The following NUCKS1 variants were observed in gnomAD, a reference collection of about 807,000 sequenced individuals.
The protein encoded by NUCKS1 is nuclear ubiquitous casein and cyclin-dependent kinase substrate 1.
Under a neutral mutation model 33.0 loss-of-function variants are expected in NUCKS1, and 2 were observed. The ratio of observed to expected loss-of-function variants is 0.06; its 90% confidence interval spans 0.02 to 0.19. The LOEUF (loss-of-function observed/expected upper bound fraction) is 0.19, where lower values mean the gene tolerates loss of function less well. Among genes scored for constraint, NUCKS1 ranks in the 10% least tolerant of loss-of-function variants. The pLI is 1.00. For missense variants in NUCKS1, 201 were observed against 293.6 expected, an observed-to-expected ratio of 0.68 and a Z score of 2.31; for synonymous variants, 106 against 102.8, an observed-to-expected ratio of 1.03 and a Z score of -0.19.
At chr1:205,724,046 TCTCTGA>T in intron 3 of NUCKS1, 65 bp from the exon 4 acceptor site, 2 of 1,142,288 alleles carry the variant, frequency 1.8e-6, no homozygotes, top group Non-Finnish European at 2.7e-6. Flanking sequence ...TGAACATAGA[TCTCTGA>T]TTTCTGACTT....
intron 4 of NUCKS1, among the ~76,000 whole-genome samples, chr1:205,721,168 A>C (rs1161539623): frequency 6.6e-6 from 1 of 152,154 alleles, no homozygotes; most frequent in Non-Finnish European, 1.5e-5. Flanking sequence ...TAGCTAATGC[A>C]TGCTGGGCTT....
chr1:205,732,779 C>CAAAA lies in NUCKS1; in HGVS notation c.18-3162_18-3159dup, dbSNP rs59760552. On this transcript the variant is annotated intron_variant, in intron 1 of 6. Coordinates refer to ENST00000367142, the MANE Select transcript of NUCKS1 (RefSeq NM_022731.5). ...CTGGCAACAGAGCAAGACTCTGTCT[C>CAAAA]AAAAAAAAAAAAAAAAGTTAAGATG... 9.5e-5 allele frequency among the ~76,000 whole-genome samples: 7 copies of CAAAA among 74,006 alleles called. 1 individual carries two copies. Among genetic ancestry groups the CAAAA allele is most frequent in the Non-Finnish European group, 1.5e-4 (6 of 39,216 alleles). 48.6% of individuals were successfully genotyped at this position (74,006 alleles called of 152,430 possible). A position where few individuals can be genotyped will look rare whatever the true frequency, so the allele number is the denominator to read the frequency against.
chr1:205,729,677 C>T, intron 1 of NUCKS1, 56 bp from the exon 2 acceptor site: 1 of 1,211,150 alleles, frequency 8.3e-7, no homozygotes, highest in Admixed American at 1.8e-5. Context: ...TTTTCTAAGA[C>T]ATCAGAACAC....
chr1:205,746,436 TTCTCTCTCTCTC>T lies in NUCKS1; in HGVS notation c.17+3509_17+3520del, dbSNP rs10539047. On this transcript the variant is annotated intron_variant, in intron 1 of 6. Transcript: ENST00000367142. ...ATAGATCCAAGGTTAATAAACTCAC[TTCTCTCTCTCTC>T]TCTCTCACACACACACACACACACA... Among the ~76,000 whole-genome samples the T allele has an allele frequency of 2.5e-4, 36 of 146,366 alleles. No individual in the cohort carries two copies. In the South Asian group the frequency reaches 2.7e-3, roughly 11 times the overall value.
In NUCKS1 at chr1:205,717,673, A is replaced by G. The variant is rs1671846871; in HGVS notation, c.*607T>C. ...GTAAAAAATGAGTACTTTTAGTAAC[A>G]GTTCAGAATTCATCTTTATCTCCTA... On this transcript the variant is annotated 3_prime_UTR_variant, in exon 7 of 7. Coordinates refer to ENST00000367142, the MANE Select transcript of NUCKS1 (RefSeq NM_022731.5). The G allele has an allele frequency of 8.1e-6, 8 of 985,238 alleles. No homozygotes were observed. Among genetic ancestry groups the G allele is most frequent in the Non-Finnish European group, 9.6e-6 (8 of 829,932 alleles). 61.0% of individuals were successfully genotyped at this position (985,238 alleles called of 1,614,324 possible). A position where few individuals can be genotyped will look rare whatever the true frequency, so the allele number is the denominator to read the frequency against.
At position 205,741,115 on chromosome 1, in the gene NUCKS1, A is replaced by G. The variant is rs551909143; in HGVS notation, c.17+8842T>C. 6.6e-5 allele frequency among the ~76,000 whole-genome samples: 10 copies of G among 151,462 alleles called. No homozygotes were observed. In the South Asian group the frequency reaches 2.1e-3, roughly 31 times the overall value. ...GGAGATGCAGACCATCCTGGCTAAC[A>G]CGGTGAAAGCCCGTCTCTACTAAAA... On this transcript the variant is annotated intron_variant, in intron 1 of 6. Transcript: ENST00000367142.
intron 1 of NUCKS1, among the ~76,000 whole-genome samples, chr1:205,734,286 A>T (rs894592257): frequency 2.0e-5 from 3 of 152,208 alleles, no homozygotes; most frequent in Admixed American, 6.5e-5. Flanking sequence ...TGCCATGTAG[A>T]CTATATTGGC....
Position 205,716,610 on chromosome 1 carries a change from A to T in NUCKS1, c.*1670T>A, listed in dbSNP as rs903419182. ...ATGACTCTGCCACTGTGTGTTTTTT[A>T]AAAAAAGATCAGAGTAAGCATGTTC... is the stretch of plus-strand genomic sequence containing the variant. On this transcript the variant is annotated 3_prime_UTR_variant, in exon 7 of 7. Coordinates refer to ENST00000367142, the MANE Select transcript of NUCKS1 (RefSeq NM_022731.5). 3 of 152,008 alleles carry T rather than the reference A, an allele frequency of 2.0e-5. No individual in the cohort carries two copies. The highest frequency in any genetic ancestry group is 1.5e-5 in the Non-Finnish European group (1 of 68,014). The allele number at this position is 152,008 out of a possible 1,614,324, so 9.4% of individuals were successfully genotyped here.
chr1:205,738,310 G>A (rs945954657), intron 1 of NUCKS1, among the ~76,000 whole-genome samples: 3 of 151,756 alleles, frequency 2.0e-5, no homozygotes, highest in African/African-American at 7.3e-5. Context: ...TTACAGGCAT[G>A]AGCCACCATG....
Position 205,750,064 on chromosome 1 carries a change from A to G in NUCKS1, c.-91T>C. 2.2e-6 allele frequency: 2 copies of G among 915,876 alleles called. No individual in the cohort carries two copies. The highest frequency in any genetic ancestry group is 2.8e-6 in the Non-Finnish European group (2 of 726,852). The allele number at this position is 915,876 out of a possible 1,614,324, so 56.7% of individuals were successfully genotyped here. On this transcript the variant is annotated 5_prime_UTR_variant, in exon 1 of 7. Coordinates refer to ENST00000367142, the MANE Select transcript of NUCKS1 (RefSeq NM_022731.5). ...CGGCGCCCCACCCCCCCCGAACTTCAGCCGATGGGACCGCTGCTGCCGAAC... is the reference window on the plus strand; with the variant it reads ...CGGCGCCCCACCCCCCCCGAACTTCGGCCGATGGGACCGCTGCTGCCGAAC...
At chr1:205,732,463 A>G (rs1261087135) in intron 1 of NUCKS1, among the ~76,000 whole-genome samples, 1 of 152,190 alleles carries the variant, frequency 6.6e-6, no homozygotes, top group Non-Finnish European at 1.5e-5. Flanking sequence ...TCAAGTACTT[A>G]ACAATACTGA....
intron 1 of NUCKS1, among the ~76,000 whole-genome samples, chr1:205,736,138 G>C (rs1654029340): frequency 6.6e-6 from 1 of 151,778 alleles, no homozygotes; most frequent in Admixed American, 6.6e-5. Context: ...TTTTTTTGTA[G>C]AGACCAAGTC....
intron 1 of NUCKS1, among the ~76,000 whole-genome samples, chr1:205,729,899 T>A (rs1207876003): frequency 6.6e-6 from 1 of 151,810 alleles, no homozygotes; most frequent in Non-Finnish European, 1.5e-5. Context: ...TGCATGCCTG[T>A]AATCCCTGCT....
At chr1:205,733,261 AT>A (rs1337650876) in intron 1 of NUCKS1, among the ~76,000 whole-genome samples, 3 of 152,246 alleles carry the variant, frequency 2.0e-5, no homozygotes, top group Non-Finnish European at 2.9e-5. Flanking sequence ...TGAAGAACAA[AT>A]GAATAAATTG....
Position 205,750,018 on chromosome 1 carries a change from ACCCCCCCCACCCCGCGCGCTCGGCG to A in NUCKS1, c.-70_-46del. The A allele has an allele frequency of 1.0e-6, 1 of 964,072 alleles. No individual in the cohort carries two copies. The highest frequency in any genetic ancestry group is 1.5e-6 in the Non-Finnish European group (1 of 684,566). 59.7% of individuals were successfully genotyped at this position (964,072 alleles called of 1,614,324 possible). On this transcript the variant is annotated 5_prime_UTR_variant, in exon 1 of 7. Transcript: ENST00000367142. ...CCGAGTCGAGAAGCCAAAGACCAGG[ACCCCCCCCACCCCGCGCGCTCGGCG>A]CCCCACCCCCCCCGAACTTCAGCCG... is the stretch of plus-strand genomic sequence containing the variant.
intron 1 of NUCKS1, among the ~76,000 whole-genome samples, chr1:205,737,790 A>G (rs1386129760): frequency 6.6e-6 from 1 of 152,248 alleles, no homozygotes; most frequent in Non-Finnish European, 1.5e-5. Context: ...AAGTATTTTA[A>G]AAGTATACAT....
intron 1 of NUCKS1, among the ~76,000 whole-genome samples, chr1:205,737,088 T>C (rs1162531625): frequency 6.6e-6 from 1 of 152,190 alleles, no homozygotes; most frequent in African/African-American, 2.4e-5. Context: ...CTTTCCTCCA[T>C]ACCACCTTGG....
At chr1:205,736,351 A>G (rs1654034450) in intron 1 of NUCKS1, among the ~76,000 whole-genome samples, 1 of 152,178 alleles carries the variant, frequency 6.6e-6, no homozygotes, top group Admixed American at 6.5e-5. Context: ...CATAAAACCT[A>G]TCAAAGTCTG....
chr1:205,726,635 T>TC (rs1374619242), intron 3 of NUCKS1, among the ~76,000 whole-genome samples: 3 of 152,202 alleles, frequency 2.0e-5, no homozygotes, highest in Non-Finnish European at 4.4e-5. Context: ...GGTATAGAGC[T>TC]CCAATGGTTA....
Sources: allele counts gnomAD v4.1 joint callset (sites outside exome capture counted in the v4.1 genomes callset), GRCh38; gene constraint gnomAD v4.1.1; transcripts MANE v1.5; gene names NCBI Gene and HGNC (gene_info 2026-07-23, HGNC 2026-07-21).